The following FYB1 variants were observed in gnomAD, a reference collection of about 807,000 sequenced individuals.
FYB1 encodes the protein FYN binding protein 1.
Under a neutral mutation model 94.1 loss-of-function variants are expected in FYB1, and 41 were observed. The ratio of observed to expected loss-of-function variants is 0.44; its 90% CI spans 0.34 to 0.57. FYB1 has a LOEUF of 0.57. Ranked by LOEUF, FYB1 falls within the 20% of genes least tolerant of loss-of-function variation. The pLI, the probability that FYB1 is intolerant of heterozygous loss-of-function variation, is 0.02. For synonymous variants in FYB1, 367 were observed against 353.2 expected, an observed-to-expected ratio of 1.04 and a Z score of -0.44; for missense variants, 1,050 against 976.8, an observed-to-expected ratio of 1.07 and a Z score of -1.00.
chr5:39,272,736 A>ATGT (rs1752702148), intron 1 of FYB1, among the ~76,000 whole-genome samples: 2 of 151,480 alleles, frequency 1.3e-5, no homozygotes, highest in South Asian at 4.2e-4. Context: ...TCTCTATACC[A>ATGT]GTAAGTTGGA....
intron 1 of FYB1, among the ~76,000 whole-genome samples, chr5:39,205,143 G>A (rs1748730643): frequency 2.6e-5 from 4 of 152,266 alleles, no homozygotes; most frequent in South Asian, 4.1e-4. Context: ...CCCCCTAACT[G>A]AAGGAAGTCT....
At chr5:39,245,055 C>T (rs1368902633) in intron 1 of FYB1, among the ~76,000 whole-genome samples, 9 of 151,686 alleles carry the variant, frequency 5.9e-5, no homozygotes, top group Middle Eastern at 6.3e-3. Context: ...GTCTTGCTAG[C>T]GGTCTATCAA....
chr5:39,244,178 G>T (rs1751356051), intron 1 of FYB1, among the ~76,000 whole-genome samples: 1 of 152,034 alleles, frequency 6.6e-6, no homozygotes, highest in Non-Finnish European at 1.5e-5. Context: ...CCAACACTAT[G>T]TTGAATAGGA....
chr5:39,189,235 C>CT (rs199894461), intron 2 of FYB1, among the ~76,000 whole-genome samples: 106,601 of 136,910 alleles, frequency 0.78, 42,699 homozygotes, highest in Non-Finnish European at 0.87. Context: ...TATGGAATTC[C>CT]TTTTTTTTTT....
intron 1 of FYB1, among the ~76,000 whole-genome samples, chr5:39,263,240 G>T (rs1752299189): frequency 6.6e-6 from 1 of 152,140 alleles, no homozygotes; most frequent in Non-Finnish European, 1.5e-5. Context: ...CACAAATTTA[G>T]TGTATTCTAA....
intron 2 of FYB1, among the ~76,000 whole-genome samples, chr5:39,175,231 C>A (rs1045255311): frequency 6.6e-6 from 1 of 152,122 alleles, no homozygotes; most frequent in Non-Finnish European, 1.5e-5. Context: ...TAAGGAGAAA[C>A]CAAGAATATG....
At chr5:39,157,393 G>T (rs1413390163) in intron 2 of FYB1, among the ~76,000 whole-genome samples, 1 of 152,098 alleles carries the variant, frequency 6.6e-6, no homozygotes, top group Non-Finnish European at 1.5e-5. Flanking sequence ...AGACTGTAAG[G>T]CTCACATATC....
chr5:39,196,490 C>T (rs917257944), intron 2 of FYB1, among the ~76,000 whole-genome samples: 7 of 152,030 alleles, frequency 4.6e-5, no homozygotes, highest in East Asian at 1.9e-4. Flanking sequence ...CCACCGCACC[C>T]GGTCTGGTTA....
At chr5:39,120,919 G>A (rs1362032098) in intron 14 of FYB1, among the ~76,000 whole-genome samples, 1 of 151,940 alleles carries the variant, frequency 6.6e-6, no homozygotes, top group East Asian at 1.9e-4. Context: ...ACTCTCTGGG[G>A]CAATCAGAAT....
At chr5:39,265,978 GTTTTT>G (rs142472884) in intron 1 of FYB1, among the ~76,000 whole-genome samples, 1 of 134,222 alleles carries the variant, frequency 7.5e-6, no homozygotes, top group Admixed American at 7.6e-5. Flanking sequence ...AATTTTTACT[GTTTTT>G]TTTTTTTTTT....
rs546775564 is a variant in FYB1 at position 39,193,367 on chromosome 5, C to T, written c.1135+8459G>A. Among the ~76,000 whole-genome samples the T allele has an allele frequency of 4.3e-4, 66 of 152,236 alleles. No homozygotes were observed. The South Asian group carries it at 9.5e-3, about 22-fold the overall frequency. On this transcript the variant is annotated intron_variant, in intron 2 of 18. Coordinates refer to ENST00000512982, the MANE Select transcript of FYB1 (RefSeq NM_001465.6). ...TGGGAAATTTCAGAGTGTCCCTCCT[C>T]CAATTCCCAAGTTAAAAATACTAAA...
rs143601273 is a variant in FYB1 at position 39,238,074 on chromosome 5, AG to A, written c.-27-35088del. On this transcript the variant is annotated intron_variant, in intron 1 of 1. Coordinates refer to the FYB1 transcript ENST00000510188. ...ATGGTTTATTGACCCCAAACTGAGA[AG>A]ATACAAATGAACACCACCATGTGAA... Among the ~76,000 whole-genome samples, 1,168 of 152,216 alleles carry A rather than the reference AG, an allele frequency of 7.7e-3. 24 individuals carry two copies. The highest frequency in any genetic ancestry group is 0.027 in the African/African-American group (1,108 of 41,546).
rs1748372653 is a variant in FYB1, at chr5:39,202,041, C to T, written c.920G>A (p.Gly307Glu). 1.9e-6 allele frequency: 3 copies of T among 1,614,012 alleles called. No homozygotes were observed. The African/African-American group carries it at 4.0e-5, about 22-fold the overall frequency. The change falls in exon 2 of 19, where the codon GGG becomes GAG. Residue 307 changes from glycine to glutamate, a missense_variant. Transcript: ENST00000512982. Reference sequence around the variant, plus strand: ...CTTAGGGAACCTGGCAGGAGGAGTCCCTGAGGCCAACTCTTCCTGATTTAT... The same window carrying T: ...CTTAGGGAACCTGGCAGGAGGAGTCTCTGAGGCCAACTCTTCCTGATTTAT... ...SKINQEELAS[G>E]TPPARFPKAP...
At chr5:39,201,772 C>A in intron 2 of FYB1, 54 bp downstream of exon 2, 1 of 1,481,924 alleles carries the variant, frequency 6.7e-7, no homozygotes, top group Non-Finnish European at 9.1e-7. Context: ...GAAGCTAAAA[C>A]ATTCTCTGCC....
chr5:39,137,829 A>C, intron 6 of FYB1, 109 bp from the exon 7 acceptor site: 2 of 1,420,534 alleles, frequency 1.4e-6, no homozygotes, highest in Non-Finnish European at 1.9e-6. Flanking sequence ...TCTGAAGTAC[A>C]GTTGAAGGTA....
chr5:39,243,449 G>T (rs1751313342), intron 1 of FYB1, among the ~76,000 whole-genome samples: 1 of 151,798 alleles, frequency 6.6e-6, no homozygotes. Flanking sequence ...TCAGGTAGTT[G>T]TAGATGTGTG....
chr5:39,205,881 G>C (rs1261229542), intron 1 of FYB1, among the ~76,000 whole-genome samples: 1 of 152,166 alleles, frequency 6.6e-6, no homozygotes, highest in African/African-American at 2.4e-5. Flanking sequence ...ATAGCTCACA[G>C]GGTTTTTGTT....
chr5:39,216,364 G>T (rs879919606), intron 1 of FYB1, among the ~76,000 whole-genome samples: 1 of 151,936 alleles, frequency 6.6e-6, no homozygotes, highest in Non-Finnish European at 1.5e-5. Flanking sequence ...AATTCTACCC[G>T]CAGCTCCCTC....
intron 2 of FYB1, among the ~76,000 whole-genome samples, chr5:39,166,309 G>A (rs192646347): frequency 1.6e-3 from 243 of 152,172 alleles, no homozygotes; most frequent in African/African-American, 5.6e-3. Context: ...GGTGGCAGGT[G>A]CCTGTAATCT....
Sources: gnomAD v4.1 joint callset for allele counts (sites outside exome capture counted in the v4.1 genomes callset) on GRCh38, gnomAD v4.1.1 for gene constraint, MANE v1.5 for transcripts, NCBI Gene and HGNC (gene_info 2026-07-23, HGNC 2026-07-21) for gene names.